Variants in PRRC2B observed in about 807,000 individuals in gnomAD.
The protein encoded by PRRC2B is proline rich coiled-coil 2B, also known as protein PRRC2B.
PRRC2B carries 68 observed loss-of-function variants against 242.3 expected under a neutral mutation model. The ratio of observed to expected loss-of-function variants is 0.28; its 90% confidence interval spans 0.23 to 0.34. The LOEUF is 0.34. Ranked by LOEUF, PRRC2B falls within the 10% of genes least tolerant of loss-of-function variation. PRRC2B has a pLI of 1.00. For synonymous variants in PRRC2B, 1,228 were observed against 1,173.6 expected, an observed-to-expected ratio of 1.05 and a Z score of -0.95; for missense variants, 2,835 against 2,954.8, an observed-to-expected ratio of 0.96 and a Z score of 0.94.
rs1944386200 is a variant in PRRC2B, at chr9:131,498,381, CTG to C, written c.*2514_*2515del. On this transcript the variant is annotated 3_prime_UTR_variant, in exon 32 of 32. Transcript: ENST00000683519. ...ATGTGAAGTTCGGTGCAGTCACCAC[CTG>C]TGTGTGACCTGAGCTGCAGTCTCTT... The C allele has an allele frequency of 6.6e-6, 1 of 152,308 alleles. No homozygotes were observed. The highest frequency in any genetic ancestry group is 1.5e-5 in the Non-Finnish European group (1 of 68,016). The allele number at this position is 152,308 out of a possible 1,614,324, so 9.4% of individuals were successfully genotyped here. A position where few individuals can be genotyped will look rare whatever the true frequency, so the allele number is the denominator to read the frequency against.
chr9:131,386,171 G>A (rs1314614099), intron 1 of PRRC2B, among the ~76,000 whole-genome samples: 2 of 149,956 alleles, frequency 1.3e-5, no homozygotes, highest in Non-Finnish European at 3.0e-5. Context: ...GGAGTGCAGT[G>A]GCGTGAACAT....
Position 131,475,795 on chromosome 9 carries a change from A to G in PRRC2B, c.3666A>G (p.Lys1222=). 3.1e-6 allele frequency: 5 copies of G among 1,613,162 alleles called. No individual in the cohort carries two copies. The highest frequency in any genetic ancestry group is 4.2e-6 in the Non-Finnish European group (5 of 1,179,284). Residue 1222 remains lysine (K), a synonymous_variant, in exon 16 of 32, where the codon AAA becomes AAG. Transcript: ENST00000683519. The stretch of plus-strand genomic sequence containing the variant: ...ATGGACGGAGAACCTTCGTCTCCAA[A>G]GAGTCACCCCACTGGCAGAGCAAAA... ...CGYGRRTFVS[K]ESPHWQSKSP... is the part of the protein sequence containing the mutation.
At chr9:131,481,936 T>G (rs1943882462) in intron 20 of PRRC2B, 128 bp downstream of exon 20, 2 of 843,590 alleles carry the variant, frequency 2.4e-6, no homozygotes, top group Non-Finnish European at 3.8e-6. Context: ...GGAATTAGGT[T>G]GTTTCCATGG....
chr9:131,441,381 A>G lies in PRRC2B; in HGVS notation c.469+2320A>G, dbSNP rs563537563. Among the ~76,000 whole-genome samples the G allele has an allele frequency of 9.9e-5, 15 of 152,188 alleles. 1 individual carries two copies. In the East Asian group the frequency reaches 2.5e-3, roughly 26 times the overall value. On this transcript the variant is annotated intron_variant, in intron 5 of 31. Transcript: ENST00000683519. ...ATGTAGGTAATGTAACTGTATCACA[A>G]TAAAGCTTGATGGAGAAAATAATTT...
intron 26 of PRRC2B, 168 bp downstream of exon 26, chr9:131,486,350 C>A: frequency 8.7e-6 from 4 of 457,610 alleles, no homozygotes; most frequent in Non-Finnish European, 1.1e-5. Flanking sequence ...ATTTGTTAAG[C>A]GAATAATCGA....
In PRRC2B at chr9:131,413,165, T is replaced by TCA. The variant is rs561895924; in HGVS notation, c.-51-16928_-51-16927dup. 2.9e-3 allele frequency among the ~76,000 whole-genome samples: 439 copies of TCA among 152,346 alleles called. 1 individual carries two copies. Among genetic ancestry groups the TCA allele is most frequent in the Middle Eastern group, 0.014 (4 of 294 alleles). The stretch of plus-strand genomic sequence containing the variant: ...TATACTGGTCCAAGCAAGCATTAGG[T>TCA]CATAGCCTGTTCCTTTTTCTTATTT... On this transcript the variant is annotated intron_variant, in intron 1 of 31. Coordinates refer to ENST00000683519, the MANE Select transcript of PRRC2B (RefSeq NM_013318.4).
intron 12 of PRRC2B, 82 bp downstream of exon 12, chr9:131,465,160 T>C: frequency 7.5e-7 from 1 of 1,337,172 alleles, no homozygotes; most frequent in African/African-American, 1.5e-5. Flanking sequence ...CCTTCCTTCT[T>C]AGCTAGCAGA....
At position 131,497,442 on chromosome 9, in the gene PRRC2B, G is replaced by GAGGT. The variant is rs1944363626; in HGVS notation, c.*1571_*1572insTAGG. ...TGAGCGTCTACCTCCTCCTCCAGAG[G>GAGGT]AGGCTGGCTCAGAACACCTAGAGGA... On this transcript the variant is annotated 3_prime_UTR_variant, in exon 32 of 32. Transcript: ENST00000683519. 6.6e-6 allele frequency: 1 copy of GAGGT among 152,232 alleles called. No homozygotes were observed. The highest frequency in any genetic ancestry group is 2.4e-5 in the African/African-American group (1 of 41,444). 9.4% of individuals were successfully genotyped at this position (152,232 alleles called of 1,614,324 possible). A position where few individuals can be genotyped will look rare whatever the true frequency, so the allele number is the denominator to read the frequency against.
chr9:131,401,735 A>T (rs1337619532), intron 1 of PRRC2B, among the ~76,000 whole-genome samples: 1 of 151,876 alleles, frequency 6.6e-6, no homozygotes, highest in East Asian at 1.9e-4. Context: ...ATCTCGGCTC[A>T]CTGCAGCCTC....
intron 9 of PRRC2B, among the ~76,000 whole-genome samples, chr9:131,453,835 T>G (rs1454508962): frequency 6.6e-6 from 1 of 152,228 alleles, no homozygotes; most frequent in Non-Finnish European, 1.5e-5. Context: ...AATTATATGA[T>G]TATATGATTC....
At chr9:131,484,891 T>C (rs1243533194) in intron 24 of PRRC2B, 57 bp from the exon 25 acceptor site, 1 of 1,578,930 alleles carries the variant, frequency 6.3e-7, no homozygotes, top group Non-Finnish European at 8.6e-7. Flanking sequence ...AGATTGGCTC[T>C]GTCCACTGCC....
intron 1 of PRRC2B, among the ~76,000 whole-genome samples, chr9:131,404,838 T>C (rs1181227878): frequency 6.6e-6 from 1 of 152,228 alleles, no homozygotes; most frequent in African/African-American, 2.4e-5. Flanking sequence ...TATTTGTAGT[T>C]TTGGAATATT....
chr9:131,486,590 A>ATT, intron 26 of PRRC2B: 1 of 709,092 alleles, frequency 1.4e-6, no homozygotes, highest in Non-Finnish European at 1.6e-6. Context: ...GGACTGGCAT[A>ATT]CTTTCTGTGC....
intron 11 of PRRC2B, 66 bp from the exon 12 acceptor site, chr9:131,464,697 T>C (rs1182949072): frequency 1.4e-6 from 2 of 1,401,868 alleles, no homozygotes; most frequent in Non-Finnish European, 1.9e-6. Context: ...GATCCCAAAG[T>C]GGGAGTGGTT....
At chr9:131,490,929 C>T (rs1944175814) in intron 28 of PRRC2B, 1 of 297,746 alleles carries the variant, frequency 3.4e-6, no homozygotes, top group South Asian at 3.2e-5. Context: ...ATCTGGTGTG[C>T]ACCCACAGAT....
intron 30 of PRRC2B, 24 bp downstream of exon 30, chr9:131,492,284 C>T (rs534924634): frequency 6.0e-5 from 95 of 1,585,432 alleles, no homozygotes; most frequent in South Asian, 5.1e-4. Context: ...CTGGGGACTG[C>T]GTGCTGTGTA....
chr9:131,479,322 G>T lies in PRRC2B; in HGVS notation c.4829G>T (p.Cys1610Phe). The T allele has an allele frequency of 6.2e-7, 1 of 1,613,976 alleles. No homozygotes were observed. Among genetic ancestry groups the T allele is most frequent in the East Asian group, 2.2e-5 (1 of 44,880 alleles). ...TTTGCAAAAAAGCAGAACAACTTAT[G>T]TCTGGAGCAAGGTGACGTGACCGTG... ...PRFAKKQNNL[C>F]LEQGDVTVPG... The change falls in exon 19 of 32, where the codon TGT becomes TTT. Residue 1610 changes from cysteine to phenylalanine, a missense_variant. Physicochemically the swap from Cys to Phe is radical, Grantham distance 205. Around this residue, in one of 7 missense-constraint regions of PRRC2B, gnomAD observed 1,536 missense variants for 1,483.1 expected, o/e 1.04. Coordinates refer to ENST00000683519, the MANE Select transcript of PRRC2B (RefSeq NM_013318.4).
intron 28 of PRRC2B, among the ~76,000 whole-genome samples, chr9:131,488,636 G>C (rs969019037): frequency 3.3e-5 from 5 of 152,172 alleles, no homozygotes; most frequent in Non-Finnish European, 7.3e-5. Context: ...CCAGACGGGG[G>C]CTCCTTCCTT....
intron 1 of PRRC2B, among the ~76,000 whole-genome samples, chr9:131,404,699 G>A (rs1837320030): frequency 6.6e-6 from 1 of 152,190 alleles, no homozygotes; most frequent in South Asian, 2.1e-4. Context: ...CCTTTCACGT[G>A]ATAAAATGTC....
Sources: gnomAD v4.1 joint callset for allele counts (sites outside exome capture counted in the v4.1 genomes callset) on GRCh38, gnomAD v4.1.1 for gene constraint, gnomAD v4.1.1 regional missense constraint, MANE v1.5 for transcripts, NCBI Gene and HGNC (gene_info 2026-07-23, HGNC 2026-07-21) for gene names.